SUPT3H: variants seen among roughly 807,000 people sequenced by gnomAD.
The protein encoded by SUPT3H is transcription initiation protein SPT3 homolog.
SUPT3H carries 44 observed loss-of-function variants against 44.3 expected under a neutral mutation model. The observed-to-expected ratio is 0.99, with a 90% CI of 0.78 to 1.28. SUPT3H has a LOEUF of 1.28. SUPT3H is among the 50% of genes most tolerant of loss of function. The pLI is 0.00. For synonymous variants in SUPT3H, 124 were observed against 125.6 expected (o/e 0.99, Z 0.09); for missense variants, 380 against 387.1 (o/e 0.98, Z 0.15).
At chr6:45,376,876 T>A (rs1359314739) in intron 1 of SUPT3H, among the ~76,000 whole-genome samples, 1 of 152,204 alleles carries the variant, frequency 6.6e-6, no homozygotes, top group Non-Finnish European at 1.5e-5. Flanking sequence ...CACATACATA[T>A]ACTTATATAC....
intron 9 of SUPT3H, among the ~76,000 whole-genome samples, chr6:44,947,754 A>G (rs1340543113): frequency 6.6e-6 from 1 of 152,220 alleles, no homozygotes; most frequent in Non-Finnish European, 1.5e-5. Flanking sequence ...GGGAGAAAAG[A>G]GTCTTTCAGC....
chr6:45,321,737 T>G, intron 2 of SUPT3H: 1 of 1,199,120 alleles, frequency 8.3e-7, no homozygotes. Flanking sequence ...ACATTCTCTC[T>G]TCTACCCATA....
chr6:45,291,640 C>T lies in SUPT3H; in HGVS notation c.101+73561G>A, dbSNP rs367733760. On this transcript the variant is annotated intron_variant, in intron 2 of 10. Transcript: ENST00000371459. ...AGAAAACAATGGACACTCATAGAAA[C>T]GCAAAATGCTCTGGAAAGTCTCAGC... Among the ~76,000 whole-genome samples, 14 of 152,050 alleles carry T rather than the reference C, an allele frequency of 9.2e-5. No individual in the cohort carries two copies. In the East Asian group the frequency reaches 9.6e-4, roughly 10 times the overall value.
intron 10 of SUPT3H, among the ~76,000 whole-genome samples, chr6:44,876,851 G>GA (rs1777382847): frequency 9.6e-6 from 1 of 104,424 alleles, no homozygotes; most frequent in South Asian, 3.1e-4. Context: ...AAAAAAAAAA[G>GA]AAAAAGAAAA....
In SUPT3H at chr6:45,101,995, T is replaced by C. The variant is rs1018309805; in HGVS notation, c.186+3927A>G. Among the ~76,000 whole-genome samples, 11 of 152,080 alleles carry C rather than the reference T, an allele frequency of 7.2e-5. No individual in the cohort carries two copies. The South Asian group carries it at 1.5e-3, about 20-fold the overall frequency. On this transcript the variant is annotated intron_variant, in intron 3 of 10. Coordinates refer to ENST00000371459, the MANE Select transcript of SUPT3H (RefSeq NM_003599.4). ...TGGCAGAGGGTTGGGGTAGAAAAAT[T>C]TGACAATGAGTAGAACAAGATAATT...
At chr6:45,085,188 T>C (rs1796334797) in intron 3 of SUPT3H, among the ~76,000 whole-genome samples, 1 of 152,258 alleles carries the variant, frequency 6.6e-6, no homozygotes, top group South Asian at 2.1e-4. Context: ...ATCTATACAT[T>C]TGCACTAAGT....
intron 2 of SUPT3H, among the ~76,000 whole-genome samples, chr6:45,157,063 A>G (rs926544311): frequency 9.2e-5 from 14 of 152,282 alleles, no homozygotes; most frequent in African/African-American, 3.4e-4. Context: ...AAATGCAATC[A>G]TCTGGCAAAA....
At chr6:45,324,559 GAGAA>G (rs1303939910) in intron 2 of SUPT3H, among the ~76,000 whole-genome samples, 1 of 151,780 alleles carries the variant, frequency 6.6e-6, no homozygotes, top group Non-Finnish European at 1.5e-5. Context: ...AAGCCTGAAG[GAGAA>G]AGAAAGGGAA....
intron 2 of SUPT3H, among the ~76,000 whole-genome samples, chr6:45,130,694 A>C (rs1333411144): frequency 3.5e-5 from 5 of 144,310 alleles, no homozygotes; most frequent in African/African-American, 5.1e-5. Context: ...TAAAAAAAAA[A>C]AACAAAAAAA....
chr6:45,003,510 C>A (rs573778432), intron 6 of SUPT3H, 143 bp downstream of exon 6: 3 of 881,702 alleles, frequency 3.4e-6, no homozygotes, highest in East Asian at 5.6e-5. Context: ...AGGGGCTGAT[C>A]CTCTGCACAT....
intron 10 of SUPT3H, among the ~76,000 whole-genome samples, chr6:44,877,548 A>T (rs937990253): frequency 2.6e-5 from 4 of 151,958 alleles, no homozygotes; most frequent in Non-Finnish European, 5.9e-5. Flanking sequence ...TTATTTCCAC[A>T]TTTTCACTAA....
chr6:45,234,824 C>A (rs1768787988), intron 2 of SUPT3H, among the ~76,000 whole-genome samples: 1 of 152,092 alleles, frequency 6.6e-6, no homozygotes, highest in Admixed American at 6.6e-5. Flanking sequence ...GAGATCTCTG[C>A]TGATCAGAAA....
At chr6:45,291,629 A>G (rs1396177588) in intron 2 of SUPT3H, among the ~76,000 whole-genome samples, 7 of 152,164 alleles carry the variant, frequency 4.6e-5, no homozygotes, top group Non-Finnish European at 5.9e-5. Flanking sequence ...AACAATGGAC[A>G]CTCATAGAAA....
intron 3 of SUPT3H, among the ~76,000 whole-genome samples, chr6:45,025,843 A>G (rs554255109): frequency 8.6e-5 from 13 of 150,600 alleles, no homozygotes; most frequent in South Asian, 2.1e-4. Flanking sequence ...AGATAGCGCC[A>G]CTGCACTCTC....
At chr6:45,259,615 G>A (rs1774016512) in intron 2 of SUPT3H, among the ~76,000 whole-genome samples, 1 of 143,712 alleles carries the variant, frequency 7.0e-6, no homozygotes, top group South Asian at 2.2e-4. Flanking sequence ...ACTCCATCCT[G>A]ATTAGTATAG....
At chr6:45,279,167 A>C (rs1171450965) in intron 2 of SUPT3H, among the ~76,000 whole-genome samples, 1 of 152,216 alleles carries the variant, frequency 6.6e-6, no homozygotes, top group Non-Finnish European at 1.5e-5. Flanking sequence ...AAATATCTAA[A>C]ATCTTTTGAC....
chr6:44,950,127 T>C (rs2153472413), intron 9 of SUPT3H, among the ~76,000 whole-genome samples: 1 of 152,354 alleles, frequency 6.6e-6, no homozygotes, highest in East Asian at 1.9e-4. Context: ...TGAAGACTTA[T>C]CTTTCATAGC....
At chr6:44,902,480 A>G (rs1765248232) in intron 10 of SUPT3H, among the ~76,000 whole-genome samples, 3 of 152,206 alleles carry the variant, frequency 2.0e-5, no homozygotes, top group African/African-American at 7.2e-5. Flanking sequence ...AAGAAGAGCT[A>G]ACTATCCTAA....
chr6:45,371,954 A>G, intron 1 of SUPT3H: 1 of 789,640 alleles, frequency 1.3e-6, no homozygotes, highest in Non-Finnish European at 1.5e-6. Context: ...TTAGTGATAC[A>G]AGCTGGGACT....
Sources: gnomAD v4.1 joint callset for allele counts (sites outside exome capture counted in the v4.1 genomes callset) on GRCh38, gnomAD v4.1.1 for gene constraint, MANE v1.5 for transcripts, NCBI Gene and HGNC (gene_info 2026-07-23, HGNC 2026-07-21) for gene names.